CTNNA3: variants seen among roughly 807,000 people sequenced by gnomAD.
CTNNA3 encodes the protein catenin alpha 3.
In CTNNA3, 76 loss-of-function variants were observed where a neutral mutation model predicts 95.7. The ratio of observed to expected loss-of-function variants is 0.79; its 90% confidence interval spans 0.66 to 0.96. The LOEUF (loss-of-function observed/expected upper bound fraction) is 0.96. Ranked by LOEUF, CTNNA3 falls within the 40% of genes least tolerant of loss-of-function variation. The pLI, the probability that CTNNA3 is intolerant of heterozygous loss-of-function variation, is 0.00. For synonymous variants in CTNNA3, 431 were observed against 374.4 expected (o/e 1.15, Z -1.74); for missense variants, 1,191 against 1,089.8 (o/e 1.09, Z -1.31).
intron 7 of CTNNA3, among the ~76,000 whole-genome samples, chr10:66,836,195 T>A (rs1842881231): frequency 6.6e-6 from 1 of 152,118 alleles, no homozygotes; most frequent in African/African-American, 2.4e-5. Flanking sequence ...GTGTACACAG[T>A]CCATGTTTGC....
chr10:66,930,888 T>G (rs559629094), intron 7 of CTNNA3, among the ~76,000 whole-genome samples: 15 of 152,266 alleles, frequency 9.9e-5, no homozygotes, highest in African/African-American at 2.9e-4. Flanking sequence ...AAAAAGTTCT[T>G]TCTTTCTCCT....
intron 7 of CTNNA3, among the ~76,000 whole-genome samples, chr10:66,897,189 A>G (rs1845530955): frequency 6.6e-6 from 1 of 152,164 alleles, no homozygotes; most frequent in Admixed American, 6.5e-5. Flanking sequence ...TATTCCTATG[A>G]AAATAAGCAA....
chr10:66,941,534 GACAA>G (rs1237807647), intron 7 of CTNNA3, among the ~76,000 whole-genome samples: 1 of 152,036 alleles, frequency 6.6e-6, no homozygotes, highest in Non-Finnish European at 1.5e-5. Flanking sequence ...ATTTGAATCT[GACAA>G]ACAACCTGTC....
rs549425537 is a variant in CTNNA3 at position 66,344,652 on chromosome 10, G to A, written c.1732+34500C>T. 2.2e-3 allele frequency among the ~76,000 whole-genome samples: 338 copies of A among 152,108 alleles called. 2 individuals carry two copies. Among genetic ancestry groups the A allele is most frequent in the African/African-American group, 7.5e-3 (310 of 41,538 alleles). The stretch of plus-strand genomic sequence containing the variant: ...TGTTTACTTAAATAAACCTAAATTA[G>A]ATACCACTACCCTTATGATCTAAAG... On this transcript the variant is annotated intron_variant, in intron 12 of 17. Coordinates refer to ENST00000433211, the MANE Select transcript of CTNNA3 (RefSeq NM_013266.4).
At chr10:67,616,973 C>G (rs1448544204) in intron 2 of CTNNA3, among the ~76,000 whole-genome samples, 1 of 151,948 alleles carries the variant, frequency 6.6e-6, no homozygotes, top group Admixed American at 6.6e-5. Flanking sequence ...TTTGAGAAAC[C>G]CCAACAATTA....
chr10:66,918,687 T>A (rs1181610769), intron 7 of CTNNA3, among the ~76,000 whole-genome samples: 1 of 152,194 alleles, frequency 6.6e-6, no homozygotes, highest in African/African-American at 2.4e-5. Context: ...TGTGGGCTTT[T>A]TCTAAGATCT....
chr10:66,348,038 T>C (rs2092537884), intron 12 of CTNNA3, among the ~76,000 whole-genome samples: 1 of 152,066 alleles, frequency 6.6e-6, no homozygotes, highest in Non-Finnish European at 1.5e-5. Flanking sequence ...TTAGTGAAAC[T>C]ACAGAATAAC....
In CTNNA3 at chr10:66,956,775, C is replaced by A. The variant is rs538765529; in HGVS notation, c.1048-181251G>T. Among the ~76,000 whole-genome samples the A allele has an allele frequency of 5.3e-5, 8 of 152,316 alleles. No individual in the cohort carries two copies. In the South Asian group the frequency reaches 1.7e-3, roughly 32 times the overall value. ...GATTTCAACTGAATTTGGCAAATCA[C>A]ACTCTAAGAGGAGCCAGAAAACTGA... On this transcript the variant is annotated intron_variant, in intron 7 of 17. Transcript: ENST00000433211.
intron 9 of CTNNA3, among the ~76,000 whole-genome samples, chr10:66,763,648 T>C (rs1259523203): frequency 1.3e-5 from 2 of 152,204 alleles, no homozygotes; most frequent in East Asian, 3.8e-4. Context: ...TCCCTTTTCC[T>C]GTGTCTGGGC....
intron 5 of CTNNA3, among the ~76,000 whole-genome samples, chr10:67,360,701 T>C (rs1435962145): frequency 6.6e-6 from 1 of 152,102 alleles, no homozygotes; most frequent in Admixed American, 6.6e-5. Context: ...AGGCATCTTA[T>C]ATGGCAGGAG....
chr10:67,009,975 G>C (rs571221403), intron 7 of CTNNA3, among the ~76,000 whole-genome samples: 20 of 152,232 alleles, frequency 1.3e-4, no homozygotes, highest in African/African-American at 4.3e-4. Context: ...TTCTAGTATA[G>C]ATTCTTCTTC....
chr10:65,967,042 T>C (rs2077984451), intron 16 of CTNNA3, among the ~76,000 whole-genome samples: 1 of 152,090 alleles, frequency 6.6e-6, no homozygotes, highest in South Asian at 2.1e-4. Context: ...CTGCAACCTC[T>C]GCCTCCCGGG....
chr10:65,925,483 C>G (rs1305410709), intron 17 of CTNNA3, among the ~76,000 whole-genome samples: 1 of 152,144 alleles, frequency 6.6e-6, no homozygotes, highest in East Asian at 1.9e-4. Flanking sequence ...GTTGTCCAGA[C>G]TGGAGTGCAT....
At chr10:67,721,462 T>A (rs1841179513) in intron 1 of CTNNA3, among the ~76,000 whole-genome samples, 1 of 152,202 alleles carries the variant, frequency 6.6e-6, no homozygotes, top group Admixed American at 6.5e-5. Flanking sequence ...TATTGATACT[T>A]ACGTATGCTT....
At chr10:66,557,621 C>A (rs746423345) in intron 10 of CTNNA3, among the ~76,000 whole-genome samples, 7 of 152,068 alleles carry the variant, frequency 4.6e-5, no homozygotes, top group Non-Finnish European at 1.0e-4. Flanking sequence ...TGATTGATCA[C>A]AATGTCTAAG....
At chr10:67,602,110 A>G (rs1273462811) in intron 3 of CTNNA3, among the ~76,000 whole-genome samples, 1 of 151,928 alleles carries the variant, frequency 6.6e-6, no homozygotes, top group East Asian at 1.9e-4. Flanking sequence ...TACTCTCAAT[A>G]TATTTTCACT....
intron 6 of CTNNA3, among the ~76,000 whole-genome samples, chr10:67,203,581 T>C (rs1472061163): frequency 6.6e-6 from 1 of 152,174 alleles, no homozygotes; most frequent in South Asian, 2.1e-4. Flanking sequence ...TGTCAGTTCT[T>C]TTTTCATACC....
chr10:66,265,440 T>TTAAAGC (rs2132113243), intron 13 of CTNNA3, among the ~76,000 whole-genome samples: 2 of 152,114 alleles, frequency 1.3e-5, no homozygotes, highest in Admixed American at 1.3e-4. Context: ...CCCTCCCCTG[T>TTAAAGC]TAAAGCTATT....
chr10:66,514,825 C>T (rs1247559429), intron 11 of CTNNA3, among the ~76,000 whole-genome samples: 1 of 152,098 alleles, frequency 6.6e-6, no homozygotes, highest in Non-Finnish European at 1.5e-5. Flanking sequence ...TCCCTTCTAT[C>T]AAAGTTTGTA....
Sources: gnomAD v4.1 joint callset for allele counts (sites outside exome capture counted in the v4.1 genomes callset) on GRCh38, gnomAD v4.1.1 for gene constraint, MANE v1.5 for transcripts, NCBI Gene and HGNC (gene_info 2026-07-23, HGNC 2026-07-21) for gene names.